The following PRKCA variants were observed in gnomAD, a reference collection of about 807,000 sequenced individuals.
PRKCA encodes the protein protein kinase C alpha type.
In PRKCA, 27 loss-of-function variants were observed where a neutral mutation model predicts 87.0. The observed-to-expected ratio is 0.31, with a 90% CI of 0.23 to 0.43. The LOEUF is 0.43. Ranked by LOEUF, PRKCA falls within the 20% of genes least tolerant of loss-of-function variation. The pLI, the probability that PRKCA is intolerant of heterozygous loss-of-function variation, is 1.00. For synonymous variants in PRKCA, 329 were observed against 311.1 expected, an observed-to-expected ratio of 1.06 and a Z score of -0.61; for missense variants, 518 against 852.3, an observed-to-expected ratio of 0.61 and a Z score of 4.88.
At chr17:66,503,280 C>T (rs141886489) in intron 3 of PRKCA, among the ~76,000 whole-genome samples, 4 of 152,194 alleles carry the variant, frequency 2.6e-5, no homozygotes, top group African/African-American at 7.2e-5. Flanking sequence ...GTATTTTGCA[C>T]GTTTTATGTT....
intron 2 of PRKCA, among the ~76,000 whole-genome samples, chr17:66,326,721 T>G (rs1280857798): frequency 1.3e-5 from 2 of 152,104 alleles, no homozygotes; most frequent in Non-Finnish European, 2.9e-5. Flanking sequence ...AGACTCAGCT[T>G]TTCTTGGCAT....
At position 66,806,693 on chromosome 17, in the gene PRKCA, C is replaced by A. The variant is rs543652227; in HGVS notation, c.*2656C>A. 3.7e-3 allele frequency: 563 copies of A among 152,390 alleles called. 3 individuals are homozygous for A. The highest frequency in any genetic ancestry group is 5.7e-3 in the Non-Finnish European group (388 of 68,082). The allele number at this position is 152,390 out of a possible 1,614,324, so 9.4% of individuals were successfully genotyped here. On this transcript the variant is annotated 3_prime_UTR_variant, in exon 17 of 17. Transcript: ENST00000413366. ...GTTTAAAGCAGGCAGCAGGCTTAGG[C>A]CTTCCCTGCAACCCCAACACCCACA...
intron 2 of PRKCA, among the ~76,000 whole-genome samples, chr17:66,318,208 T>G (rs1033372783): frequency 6.6e-6 from 1 of 152,268 alleles, no homozygotes; most frequent in African/African-American, 2.4e-5. Flanking sequence ...AATGGCACAT[T>G]AATATGGAAA....
chr17:66,422,476 T>C (rs892935443), intron 2 of PRKCA, among the ~76,000 whole-genome samples: 1 of 152,198 alleles, frequency 6.6e-6, no homozygotes, highest in African/African-American at 2.4e-5. Flanking sequence ...GATGAATACA[T>C]GTCATATCTG....
chr17:66,408,019 C>A (rs1407436340), intron 2 of PRKCA, among the ~76,000 whole-genome samples: 4 of 152,168 alleles, frequency 2.6e-5, no homozygotes, highest in Non-Finnish European at 5.9e-5. Context: ...GTTGTTGGAA[C>A]CACCCATCCT....
chr17:66,497,390 G>A (rs1240203760), intron 3 of PRKCA, among the ~76,000 whole-genome samples: 1 of 151,960 alleles, frequency 6.6e-6, no homozygotes, highest in Non-Finnish European at 1.5e-5. Context: ...TAGCTCCTCA[G>A]GAGGCTAAGG....
chr17:66,680,550 A>T (rs879642800), intron 5 of PRKCA, among the ~76,000 whole-genome samples: 6 of 152,238 alleles, frequency 3.9e-5, no homozygotes, highest in Non-Finnish European at 7.3e-5. Flanking sequence ...ATATGGAGAC[A>T]CTTGACTTTT....
rs536411779 is a variant in PRKCA, at chr17:66,312,732, CTTTTTTTTTT to C, written c.205+6616_205+6625del. Among the ~76,000 whole-genome samples, 309 of 106,364 alleles carry C rather than the reference CTTTTTTTTTT, an allele frequency of 2.9e-3. 1 individual carries two copies. Among genetic ancestry groups the C allele is most frequent in the Middle Eastern group, 5.6e-3 (1 of 180 alleles). The allele number at this position is 106,364 out of a possible 152,430, so 69.8% of individuals were successfully genotyped here. A position where few individuals can be genotyped will look rare whatever the true frequency, so the allele number is the denominator to read the frequency against. On this transcript the variant is annotated intron_variant, in intron 2 of 16. Coordinates refer to ENST00000413366, the MANE Select transcript of PRKCA (RefSeq NM_002737.3). The stretch of plus-strand genomic sequence containing the variant: ...CTACATGTTCTTCCTATCGTAGGAC[CTTTTTTTTTT>C]TTTTTTTTTTGTGAGACAGAGTGTC...
chr17:66,731,268 T>C (rs1973878893), intron 8 of PRKCA, among the ~76,000 whole-genome samples: 1 of 146,920 alleles, frequency 6.8e-6, no homozygotes, highest in South Asian at 2.1e-4. Flanking sequence ...CGCTTGAACC[T>C]GGGAGGCGGA....
chr17:66,710,009 C>T (rs370809106), intron 8 of PRKCA, among the ~76,000 whole-genome samples: 7 of 152,146 alleles, frequency 4.6e-5, no homozygotes, highest in Admixed American at 2.0e-4. Context: ...TCCAGGACCC[C>T]GTCATGTGAA....
intron 14 of PRKCA, chr17:66,775,194 C>T: frequency 1.0e-6 from 1 of 961,826 alleles, no homozygotes; most frequent in Non-Finnish European, 1.2e-6. Flanking sequence ...ACATAGGACA[C>T]TTCCGTGGCA....
chr17:66,614,876 T>C (rs948345965), intron 3 of PRKCA, among the ~76,000 whole-genome samples: 3 of 152,196 alleles, frequency 2.0e-5, no homozygotes, highest in Non-Finnish European at 2.9e-5. Context: ...CAGTTAAGAA[T>C]TGGATGCAGC....
intron 10 of PRKCA, 107 bp from the exon 11 acceptor site, chr17:66,738,657 G>A: frequency 2.4e-6 from 2 of 842,668 alleles, no homozygotes; most frequent in Non-Finnish European, 4.0e-6. Flanking sequence ...ATCTGCCCAT[G>A]CAGTCCCCAT....
rs558620746 is a variant in PRKCA at position 66,466,067 on chromosome 17, C to G, written c.206-30134C>G. The stretch of plus-strand genomic sequence containing the variant: ...ATTATATTGAGAAGAAACAGAGAAG[C>G]ATTTTACATCCAAGTGCACCAGCAG... On this transcript the variant is annotated intron_variant, in intron 2 of 16. Transcript: ENST00000413366. 6.0e-4 allele frequency among the ~76,000 whole-genome samples: 92 copies of G among 152,268 alleles called. 1 individual carries two copies. The highest frequency in any genetic ancestry group is 5.0e-3 in the Admixed American group (76 of 15,288).
chr17:66,735,689 G>T, intron 10 of PRKCA, 27 bp downstream of exon 10: 2 of 1,604,734 alleles, frequency 1.2e-6, no homozygotes, highest in Non-Finnish European at 8.5e-7. Flanking sequence ...TCCCTGCGAT[G>T]CAGTACCCAG....
chr17:66,582,241 G>A (rs535957272), intron 3 of PRKCA, among the ~76,000 whole-genome samples: 3 of 152,264 alleles, frequency 2.0e-5, no homozygotes, highest in East Asian at 1.9e-4. Flanking sequence ...ATTAACTACC[G>A]CAACTCAAGG....
chr17:66,445,271 G>T (rs1490683235), intron 2 of PRKCA, among the ~76,000 whole-genome samples: 2 of 152,216 alleles, frequency 1.3e-5, no homozygotes, highest in African/African-American at 4.8e-5. Flanking sequence ...GAGAAACCCA[G>T]GGAGGGCTGC....
intron 3 of PRKCA, among the ~76,000 whole-genome samples, chr17:66,571,212 A>C (rs1012776525): frequency 6.6e-6 from 1 of 152,210 alleles, no homozygotes; most frequent in African/African-American, 2.4e-5. Context: ...GTGTTTTCCC[A>C]TTCCTAATCC....
chr17:66,314,877 G>A (rs55731953), intron 2 of PRKCA, among the ~76,000 whole-genome samples: 23,339 of 81,282 alleles, frequency 0.29, 1,887 homozygotes, highest in African/African-American at 0.43. Flanking sequence ...ATATATATAT[G>A]TGTGTGTGTG....
Sources: gnomAD v4.1 joint callset for allele counts (sites outside exome capture counted in the v4.1 genomes callset) on GRCh38, gnomAD v4.1.1 for gene constraint, MANE v1.5 for transcripts, NCBI Gene and HGNC (gene_info 2026-07-23, HGNC 2026-07-21) for gene names.